Variants in ARHGAP44 observed in about 807,000 individuals in gnomAD.
ARHGAP44 encodes Rho GTPase activating protein 44.
Under a neutral mutation model 106.8 loss-of-function variants are expected in ARHGAP44, and 43 were observed. That is an observed-to-expected ratio of 0.40 (90% CI 0.32 to 0.52). The LOEUF (loss-of-function observed/expected upper bound fraction) is 0.52. ARHGAP44 is among the 20% of genes least tolerant of loss of function. The probability of loss-of-function intolerance (pLI) is 0.48; values close to 1 mark genes in which losing one functional copy is unlikely to be tolerated. For missense variants in ARHGAP44, 866 were observed against 1,050.5 expected (o/e 0.82, Z 2.43); for synonymous variants, 439 against 410.3 (o/e 1.07, Z -0.85).
chr17:12,871,399 G>A (rs2036402972), intron 1 of ARHGAP44, among the ~76,000 whole-genome samples: 2 of 152,150 alleles, frequency 1.3e-5, no homozygotes, highest in Admixed American at 1.3e-4. Flanking sequence ...TAAAGAAAAG[G>A]GGTTTAATTG....
chr17:12,882,155 CTTCA>C (rs2150900678), intron 1 of ARHGAP44, among the ~76,000 whole-genome samples: 1 of 152,272 alleles, frequency 6.6e-6, no homozygotes, highest in African/African-American at 2.4e-5. Flanking sequence ...ATTTACCTGA[CTTCA>C]TTCATGTCTT....
At chr17:12,916,996 G>A (rs1002435915) in intron 5 of ARHGAP44, among the ~76,000 whole-genome samples, 2 of 152,068 alleles carry the variant, frequency 1.3e-5, no homozygotes, top group Admixed American at 6.6e-5. Flanking sequence ...TCACATATTC[G>A]GATTTGAGAT....
At chr17:12,854,938 A>C (rs2035862914) in intron 1 of ARHGAP44, among the ~76,000 whole-genome samples, 1 of 150,008 alleles carries the variant, frequency 6.7e-6, no homozygotes, top group Non-Finnish European at 1.5e-5. Flanking sequence ...AGCCTGGGCA[A>C]CAAGAGCAAA....
chr17:12,911,177 G>A (rs888350096), intron 4 of ARHGAP44, among the ~76,000 whole-genome samples: 1 of 152,058 alleles, frequency 6.6e-6, no homozygotes, highest in African/African-American at 2.4e-5. Flanking sequence ...AAAATTTCAG[G>A]TTGACAGACA....
intron 7 of ARHGAP44, among the ~76,000 whole-genome samples, chr17:12,935,615 A>G (rs1231076494): frequency 1.3e-5 from 2 of 152,096 alleles, no homozygotes; most frequent in African/African-American, 2.4e-5. Flanking sequence ...TTAGGCACCA[A>G]TAGATAAAGG....
At chr17:12,987,035 T>TTG in intron 20 of ARHGAP44, 1 of 1,349,548 alleles carries the variant, frequency 7.4e-7, no homozygotes, top group South Asian at 1.5e-5. Context: ...TTTTTTTTTT[T>TTG]TTTGTGACGT....
At chr17:12,985,440 C>T (rs1246562722) in intron 20 of ARHGAP44, 3 of 152,366 alleles carry the variant, frequency 2.0e-5, no homozygotes, top group South Asian at 2.1e-4. Context: ...TCTCCATTCT[C>T]CTCCACCAGA....
intron 13 of ARHGAP44, among the ~76,000 whole-genome samples, chr17:12,954,779 G>T (rs913711853): frequency 3.3e-5 from 5 of 151,882 alleles, no homozygotes; most frequent in Non-Finnish European, 7.4e-5. Flanking sequence ...TGTTTTTTTT[G>T]AATTTGCACG....
chr17:12,916,006 G>A lies in ARHGAP44; in HGVS notation c.382G>A (p.Ala128Thr). 1 of 1,613,688 alleles carries A rather than the reference G, an allele frequency of 6.2e-7. No homozygotes were observed. The highest frequency in any genetic ancestry group is 1.6e-4 in the Middle Eastern group (1 of 6,062). The change falls in exon 5 of 21, where the codon GCG (alanine) becomes ACG (threonine). Residue 128 changes from alanine (A) to threonine (T), a missense_variant. Coordinates refer to ENST00000379672, the MANE Select transcript of ARHGAP44 (RefSeq NM_014859.6). ...CGTGATTGAGCCCCTGTTTTTGCTG[G>A]CGGAGGTAAGCAGCAGGAGTGAGGC... ...RDVIEPLFLL[A>T]EVEIPNIQKQ... is the part of the protein sequence containing the mutation.
chr17:12,952,266 T>C (rs1241034506), intron 12 of ARHGAP44, among the ~76,000 whole-genome samples: 1 of 152,106 alleles, frequency 6.6e-6, no homozygotes, highest in East Asian at 1.9e-4. Flanking sequence ...CTCTGGCACA[T>C]ATTCACTTGG....
At position 12,831,788 on chromosome 17, in the gene ARHGAP44, G is replaced by A. The variant is rs115038289; in HGVS notation, c.53+41897G>A. ...TTACTAAAGAGTGTAAGAAACAATG[G>A]TCAGGGGCCTACAGTCAGATGTTGG... On this transcript the variant is annotated intron_variant, in intron 1 of 20. Transcript: ENST00000379672. Among the ~76,000 whole-genome samples the A allele has an allele frequency of 6.0e-3, 909 of 152,256 alleles. 14 individuals carry two copies. The highest frequency in any genetic ancestry group is 0.021 in the African/African-American group (860 of 41,536).
chr17:12,980,846 CT>C (rs1252549838), intron 19 of ARHGAP44: 1 of 152,266 alleles, frequency 6.6e-6, no homozygotes, highest in African/African-American at 2.4e-5. Context: ...CCTGTGTCAT[CT>C]CTTTGCAGAG....
chr17:12,900,317 A>T (rs546281204), intron 3 of ARHGAP44, among the ~76,000 whole-genome samples: 1 of 151,918 alleles, frequency 6.6e-6, no homozygotes, highest in South Asian at 2.1e-4. Context: ...TTTAGTAGAG[A>T]TGGGGTTTCA....
At chr17:12,879,776 C>T (rs1292259432) in intron 1 of ARHGAP44, among the ~76,000 whole-genome samples, 5 of 151,226 alleles carry the variant, frequency 3.3e-5, no homozygotes, top group South Asian at 2.1e-4. Context: ...GGGCACTCAT[C>T]CCCCATGCAA....
chr17:12,967,765 G>A (rs2039429193), intron 16 of ARHGAP44, among the ~76,000 whole-genome samples: 1 of 152,030 alleles, frequency 6.6e-6, no homozygotes, highest in African/African-American at 2.4e-5. Flanking sequence ...TCCTCTCCCT[G>A]TATGGTCTAC....
Position 12,958,213 on chromosome 17 carries a change from A to G in ARHGAP44, c.1343-504A>G, listed in dbSNP as rs756481099. On this transcript the variant is annotated intron_variant, in intron 15 of 20. Transcript: ENST00000379672. This position sits in a 1 kb window ranked among gnomAD's most constrained non-coding sequence, Gnocchi z 4.1. The stretch of plus-strand genomic sequence containing the variant: ...CCAAAAAACAACTTTAATGAAATCT[A>G]TATTTCTAATATCTTGAATTTATTC... Among the ~76,000 whole-genome samples the G allele has an allele frequency of 2.0e-5, 3 of 152,348 alleles. No individual in the cohort carries two copies. Among genetic ancestry groups the G allele is most frequent in the South Asian group, 2.1e-4 (1 of 4,830 alleles).
At chr17:12,796,598 C>T (rs1233836116) in intron 1 of ARHGAP44, among the ~76,000 whole-genome samples, 4 of 143,938 alleles carry the variant, frequency 2.8e-5, no homozygotes, top group Admixed American at 2.7e-4. Context: ...CTGAACTTTT[C>T]TTTGTTTTTT....
intron 1 of ARHGAP44, among the ~76,000 whole-genome samples, chr17:12,836,415 A>C (rs2035239977): frequency 6.6e-6 from 1 of 152,142 alleles, no homozygotes; most frequent in South Asian, 2.1e-4. Context: ...TGGGAGGCTG[A>C]GGCGGGCGGA....
intron 19 of ARHGAP44, 77 bp from the exon 20 acceptor site, chr17:12,984,454 G>A (rs1037441154): frequency 6.8e-7 from 1 of 1,462,616 alleles, no homozygotes; most frequent in Admixed American, 2.4e-5. Flanking sequence ...AACGCTGAAG[G>A]GTGTGTGAAC....
Sources: gnomAD v4.1 joint callset for allele counts (sites outside exome capture counted in the v4.1 genomes callset) on GRCh38, gnomAD v4.1.1 for gene constraint, Gnocchi (gnomAD v3.1) non-coding constraint, MANE v1.5 for transcripts, NCBI Gene and HGNC (gene_info 2026-07-23, HGNC 2026-07-21) for gene names.